HR: variants seen among roughly 807,000 people sequenced by gnomAD.
HR encodes HR lysine demethylase and nuclear receptor corepressor.
In HR, 83 loss-of-function variants were observed where a neutral mutation model predicts 128.6. The ratio of observed to expected loss-of-function variants is 0.65; its 90% CI spans 0.54 to 0.77. HR has a LOEUF of 0.77. Ranked by LOEUF, HR falls within the 30% of genes least tolerant of loss-of-function variation. The probability of loss-of-function intolerance (pLI) is 0.00; values close to 1 mark genes in which losing one functional copy is unlikely to be tolerated. For missense variants in HR, 1,490 were observed against 1,574.6 expected (o/e 0.95, Z 0.91); for synonymous variants, 681 against 658.2 (o/e 1.03, Z -0.53).
At position 22,118,943 on chromosome 8, in the gene HR, T is replaced by C. The variant is rs1457092737; in HGVS notation, c.3213+7A>G. ...GGGAAGGGGAGGGCTCCCGGCTGCC[T>C]CCTCACCATCTGGAGAAAGCGGCGG... On this transcript the variant is annotated splice_region_variant and intron_variant, in intron 16 of 18. Coordinates refer to ENST00000381418, the MANE Select transcript of HR (RefSeq NM_005144.5). 3 of 1,609,950 alleles carry C rather than the reference T, an allele frequency of 1.9e-6. No homozygotes were observed. Among genetic ancestry groups the C allele is most frequent in the Non-Finnish European group, 2.5e-6 (3 of 1,178,988 alleles).
intron 2 of HR, 100 bp downstream of exon 2, chr8:22,128,459 G>T: frequency 4.6e-6 from 7 of 1,512,458 alleles, no homozygotes; most frequent in Non-Finnish European, 6.3e-6. Context: ...CTACCTCGGT[G>T]CTGCCTTCTC....
intron 9 of HR, 67 bp from the exon 10 acceptor site, chr8:22,121,295 G>A: frequency 6.4e-7 from 1 of 1,568,950 alleles, no homozygotes; most frequent in Admixed American, 1.7e-5. Flanking sequence ...AGGCCCTCTT[G>A]CCCATGCTGC....
In HR at chr8:22,118,685, C is replaced by T. The variant is rs529236835; in HGVS notation, c.3213+265G>A. 26 of 553,412 alleles carry T rather than the reference C, an allele frequency of 4.7e-5. No homozygotes were observed. In the Middle Eastern group the frequency reaches 1.4e-3, roughly 31 times the overall value. 34.3% of individuals were successfully genotyped at this position (553,412 alleles called of 1,614,324 possible). On this transcript the variant is annotated intron_variant, in intron 16 of 18. Coordinates refer to ENST00000381418, the MANE Select transcript of HR (RefSeq NM_005144.5). ...AATTGTGCCTAAGGCCCTAGCACCA[C>T]GTCCAGCCTCGGGCAGCTGGTGCTC...
Position 22,125,489 on chromosome 8 carries a change from C to T in HR, c.1572G>A (p.Gly524=), listed in dbSNP as rs149811800. 7.4e-4 allele frequency: 1,201 copies of T among 1,613,532 alleles called. 18 individuals are homozygous for T. The East Asian group carries it at 0.023, about 31-fold the overall frequency. The part of the protein sequence containing the change: ...SQQVRRSPLG[G]ELQQEEDTAT... ...CTGTGTCTTCCTCCTGCTGCAGCTC[C>T]CCTCCCAGAGGCGATCTGGAGAGAG... The change falls in exon 5 of 19, where the codon GGG becomes GGA. Residue 524 remains glycine, a synonymous_variant. Coordinates refer to ENST00000381418, the MANE Select transcript of HR (RefSeq NM_005144.5).
Position 22,121,183 on chromosome 8 carries a change from C to T in HR, c.2249G>A (p.Arg750Gln), listed in dbSNP as rs200306863. Residue 750 changes from arginine to glutamine, a missense_variant, in exon 10 of 19, where the codon CGA becomes CAA. Arg to Gln is a conservative substitution (Grantham distance 43). Transcript: ENST00000381418. ...GAGAGAAGGACAAGGCAGGGGCCCT[C>T]GGCCAGCACGGTCCTCTGCTGGGGT... ...AETPAEDRAGRGPLPCPSLCE... is the reference protein window; with the variant it reads ...AETPAEDRAGQGPLPCPSLCE... 1.1e-4 allele frequency: 173 copies of T among 1,613,940 alleles called. No homozygotes were observed. The Admixed American group carries it at 2.0e-3, about 19-fold the overall frequency.
rs1456744543 is a variant in HR, at chr8:22,122,782, T to C, written c.2005+8A>G. 1 of 1,551,144 alleles carries C rather than the reference T, an allele frequency of 6.4e-7. No homozygotes were observed. Among genetic ancestry groups the C allele is most frequent in the Non-Finnish European group, 8.7e-7 (1 of 1,147,428 alleles). On this transcript the variant is annotated splice_region_variant and intron_variant, in intron 7 of 18. Coordinates refer to ENST00000381418, the MANE Select transcript of HR (RefSeq NM_005144.5). The stretch of plus-strand genomic sequence containing the variant: ...CTCTGCACGCCCCACCCCTCCAAGA[T>C]GGCTCACCCTGGCTGGAGACAAACT...
rs1826688195 is a variant in HR at position 22,119,815 on chromosome 8, G to A, written c.2922C>T (p.Tyr974=). 1 of 1,613,690 alleles carries A rather than the reference G, an allele frequency of 6.2e-7. No individual in the cohort carries two copies. The highest frequency in any genetic ancestry group is 1.3e-5 in the African/African-American group (1 of 74,900). The change falls in exon 14 of 19, where the codon TAC becomes TAT. Residue 974 remains tyrosine, a synonymous_variant. Coordinates refer to ENST00000381418, the MANE Select transcript of HR (RefSeq NM_005144.5). ...GACGCAGGGCAAGGCCCGGTGGGAG[G>A]TAGGAAGCCAGGTTGAGTTTTCCAT... ...ALHGKLNLAS[Y]LPPGLALRPL...
intron 16 of HR, 35 bp downstream of exon 16, chr8:22,118,915 G>C (rs573836097): frequency 1.9e-6 from 3 of 1,557,760 alleles, no homozygotes; most frequent in Middle Eastern, 2.3e-4. Flanking sequence ...AGGGCTGGGC[G>C]GGGGGAAGGG....
chr8:22,130,240 G>A (rs1827014914), intron 1 of HR, among the ~76,000 whole-genome samples, 188 bp downstream of exon 1: 1 of 152,234 alleles, frequency 6.6e-6, no homozygotes, highest in Non-Finnish European at 1.5e-5. Context: ...GTGGCAGAGG[G>A]CGCCCAGGTT....
chr8:22,129,501 C>CTCA (rs1826995367), intron 1 of HR, among the ~76,000 whole-genome samples: 1 of 152,236 alleles, frequency 6.6e-6, no homozygotes, highest in Admixed American at 6.5e-5. Context: ...TAGGAATCTG[C>CTCA]TCACGACCCA....
intron 16 of HR, chr8:22,118,415 G>C (rs1826646244): frequency 6.3e-6 from 1 of 159,716 alleles, no homozygotes; most frequent in Admixed American, 6.1e-5. Context: ...AGCCCCTCCG[G>C]GAGCATCTCC....
At chr8:22,122,358 C>T in intron 8 of HR, 135 bp downstream of exon 8, 1 of 658,844 alleles carries the variant, frequency 1.5e-6, no homozygotes, top group Non-Finnish European at 2.6e-6. Context: ...GCTCCTGATC[C>T]CCAAGGTGGG....
chr8:22,123,282 C>T (rs922140686), intron 6 of HR, among the ~76,000 whole-genome samples: 8 of 152,188 alleles, frequency 5.3e-5, no homozygotes, highest in African/African-American at 1.9e-4. Context: ...GGCTGCAACA[C>T]GTTACTAACT....
In HR at chr8:22,119,242, A is replaced by G. The variant is rs1267143695; in HGVS notation, c.3019T>C (p.Cys1007Arg). The change falls in exon 15 of 19, where the codon TGT (cysteine) becomes CGT (arginine). Residue 1007 changes from cysteine (C) to arginine (R), a missense_variant. Coordinates refer to ENST00000381418, the MANE Select transcript of HR (RefSeq NM_005144.5). ...CTGACCAGGTCGGCCACCTCCACAC[A>G]GAGGTTCTTGGTCCCCAGGTGTCCC... ...HRGHLGTKNL[C>R]VEVADLVSIL... 6.2e-7 allele frequency: 1 copy of G among 1,613,852 alleles called. No homozygotes were observed. Among genetic ancestry groups the G allele is most frequent in the Non-Finnish European group, 8.5e-7 (1 of 1,180,032 alleles).
chr8:22,123,617 T>TTGGGGGGCCCCCCC, intron 6 of HR, 32 bp downstream of exon 6: 3 of 292,092 alleles, frequency 1.0e-5, no homozygotes, highest in South Asian at 3.0e-5. Context: ...GAGGGCTCCA[T>TTGGGGGGCCCCCCC]CCCGCCCTCC....
rs1052213716 is a variant in HR, at chr8:22,117,155, C to G, written c.3214-116G>C. On this transcript the variant is annotated intron_variant, in intron 16 of 18. Coordinates refer to ENST00000381418, the MANE Select transcript of HR (RefSeq NM_005144.5). ...GGAGAAAAGAGCCGAAGGGTCAAGT[C>G]TTGAAGGGCAGGCAGGGAGGGCATG... is the stretch of plus-strand genomic sequence containing the variant. The G allele has an allele frequency of 6.4e-6, 7 of 1,098,500 alleles. No individual in the cohort carries two copies. The African/African-American group carries it at 9.6e-5, about 15-fold the overall frequency. The allele number at this position is 1,098,500 out of a possible 1,614,324, so 68.0% of individuals were successfully genotyped here. A position where few individuals can be genotyped will look rare whatever the true frequency, so the allele number is the denominator to read the frequency against.
At position 22,128,997 on chromosome 8, in the gene HR, G is replaced by C; in HGVS notation, c.174C>G (p.Asp58Glu). ...PFWRGVLSTPDSWLPPGFPQG... is the reference protein window; with the variant it reads ...PFWRGVLSTPESWLPPGFPQG... ...GGGGGAAGCCAGGGGGAAGCCAGGA[G>C]TCTGGGGTGCTCAGGACGCCCCTCC... The change falls in exon 2 of 19, where the codon GAC becomes GAG. Residue 58 changes from aspartate to glutamate, a missense_variant. By Grantham distance (45) the Asp-to-Glu change is conservative. Coordinates refer to ENST00000381418, the MANE Select transcript of HR (RefSeq NM_005144.5). 1 of 1,613,000 alleles carries C rather than the reference G, an allele frequency of 6.2e-7. No homozygotes were observed. Among genetic ancestry groups the C allele is most frequent in the South Asian group, 1.1e-5 (1 of 91,078 alleles).
chr8:22,120,198 T>C lies in HR; in HGVS notation c.2777-25A>G, dbSNP rs200253834. On this transcript the variant is annotated intron_variant, in intron 12 of 18. Transcript: ENST00000381418. ...ACTACAGGAGGAGACAGAACGGCCA[T>C]TGGCCTCCTCAGCCCTGAAGCCCCT... 16 of 1,593,632 alleles carry C rather than the reference T, an allele frequency of 1.0e-5. No homozygotes were observed. The East Asian group carries it at 1.4e-4, about 14-fold the overall frequency.
Position 22,121,713 on chromosome 8 carries a change from A to G in HR, c.2122-19T>C, listed in dbSNP as rs754313247. The G allele has an allele frequency of 6.2e-7, 1 of 1,609,670 alleles. No individual in the cohort carries two copies. Among genetic ancestry groups the G allele is most frequent in the Admixed American group, 1.7e-5 (1 of 59,780 alleles). On this transcript the variant is annotated intron_variant, in intron 8 of 18. Coordinates refer to ENST00000381418, the MANE Select transcript of HR (RefSeq NM_005144.5). Reference sequence around the variant, plus strand: ...ATTCCTTCTGTTAAACCCATCCACCACCCCCCCAATCCAACCAGAGATTTT... The same window carrying G: ...ATTCCTTCTGTTAAACCCATCCACCGCCCCCCCAATCCAACCAGAGATTTT...
Sources: gnomAD v4.1 joint callset for allele counts (sites outside exome capture counted in the v4.1 genomes callset) on GRCh38, gnomAD v4.1.1 for gene constraint, MANE v1.5 for transcripts, NCBI Gene and HGNC (gene_info 2026-07-23, HGNC 2026-07-21) for gene names.